Variants in MRC1 observed in about 807,000 individuals in gnomAD.
MRC1 encodes mannose receptor C-type 1.
Under a neutral mutation model 102.9 loss-of-function variants are expected in MRC1, and 62 were observed. The ratio of observed to expected loss-of-function variants is 0.60; its 90% confidence interval spans 0.49 to 0.74. The LOEUF is 0.74. Among genes scored for constraint, MRC1 ranks in the 30% least tolerant of loss-of-function variants. The probability of loss-of-function intolerance (pLI) is 0.00; values close to 1 mark genes in which losing one functional copy is unlikely to be tolerated. For synonymous variants in MRC1, 457 were observed against 298.4 expected (o/e 1.53, Z -5.48); for missense variants, 1,237 against 862.8 (o/e 1.43, Z -5.43).
chr10:17,843,598 A>C (rs1179087268), intron 5 of MRC1, among the ~76,000 whole-genome samples: 1 of 152,072 alleles, frequency 6.6e-6, no homozygotes, highest in African/African-American at 2.4e-5. Context: ...CAGGAGGTGG[A>C]GGTTGCAGTG....
At position 17,879,730 on chromosome 10, in the gene MRC1, T is replaced by C. The variant is rs1833487332; in HGVS notation, c.2628T>C (p.Asp876=). Residue 876 remains aspartate, a synonymous_variant, in exon 19 of 30, where the codon GAT becomes GAC. Transcript: ENST00000569591. ...GAATTTTCTTTTCCAGTTGGATGGA[T>C]GGAAGCAAAGTGGATTACGTGTCTT... ...ISLDKKFAWM[D]GSKVDYVSWA... is the part of the protein sequence containing the mutation. The C allele has an allele frequency of 1.3e-6, 1 of 780,740 alleles. No homozygotes were observed. The highest frequency in any genetic ancestry group is 1.7e-5 in the African/African-American group (1 of 59,124). The allele number at this position is 780,740 out of a possible 1,614,324, so 48.4% of individuals were successfully genotyped here.
At chr10:17,877,760 T>C in intron 17 of MRC1, 140 bp from the exon 18 acceptor site, 1 of 730,996 alleles carries the variant, frequency 1.4e-6, no homozygotes, top group Non-Finnish European at 2.5e-6. Context: ...GAACATAATA[T>C]AGAATGTACT....
At chr10:17,814,466 C>T (rs187576906) in intron 1 of MRC1, among the ~76,000 whole-genome samples, 9 of 152,170 alleles carry the variant, frequency 5.9e-5, no homozygotes, top group Admixed American at 4.6e-4. Flanking sequence ...TAGAAATTCA[C>T]GGTAGCTTTA....
chr10:17,847,144 A>T (rs1838837951), intron 6 of MRC1, among the ~76,000 whole-genome samples: 3 of 131,686 alleles, frequency 2.3e-5, no homozygotes, highest in Admixed American at 8.3e-5. Flanking sequence ...CTCCTCTAGG[A>T]GAAATAGTGT....
chr10:17,900,388 T>G (rs1833813223), intron 24 of MRC1, among the ~76,000 whole-genome samples: 1 of 152,092 alleles, frequency 6.6e-6, no homozygotes, highest in African/African-American at 2.4e-5. Flanking sequence ...CAGGTGTCCA[T>G]GAATTTAATG....
chr10:17,900,720 A>C, intron 24 of MRC1, 68 bp from the exon 25 acceptor site: 1 of 780,108 alleles, frequency 1.3e-6, no homozygotes, highest in Admixed American at 1.7e-5. Flanking sequence ...TGTATTCTTG[A>C]ATTGGTTCTT....
intron 29 of MRC1, 73 bp downstream of exon 29, chr10:17,909,420 A>G: frequency 1.2e-6 from 1 of 801,492 alleles, no homozygotes; most frequent in East Asian, 2.4e-5. Context: ...AGGCATAATC[A>G]TAATCCCTTC....
chr10:17,854,306 T>A (rs1476168317), intron 8 of MRC1, among the ~76,000 whole-genome samples: 1 of 152,234 alleles, frequency 6.6e-6, no homozygotes, highest in Non-Finnish European at 1.5e-5. Context: ...AGCCCATATT[T>A]ATTGTTCAAT....
At chr10:17,847,923 C>CTTT (rs1410844146) in intron 6 of MRC1, among the ~76,000 whole-genome samples, 100 of 47,880 alleles carry the variant, frequency 2.1e-3, no homozygotes, top group African/African-American at 8.8e-3. Flanking sequence ...TTTTCTTTTT[C>CTTT]TTCTTTTTTT....
At chr10:17,851,800 G>C (rs1252793948) in intron 7 of MRC1, among the ~76,000 whole-genome samples, 1 of 152,156 alleles carries the variant, frequency 6.6e-6, no homozygotes, top group Non-Finnish European at 1.5e-5. Flanking sequence ...CATTCTCCAC[G>C]GCACTGGAAA....
chr10:17,826,873 G>A (rs962095490), intron 2 of MRC1, among the ~76,000 whole-genome samples: 4 of 152,212 alleles, frequency 2.6e-5, no homozygotes, highest in Non-Finnish European at 5.9e-5. Flanking sequence ...ATAGGGATTA[G>A]AGAACAATGC....
chr10:17,849,687 G>T lies in MRC1; in HGVS notation c.1172G>T (p.Cys391Phe). ...KKIQRDALTT[C>F]RKEGGDLTSI... ...ATCCAGAGGGATGCTCTGACCACCTGCAGGAAGGAAGGCGGTGACCTCACA... is the reference window on the plus strand; with the variant it reads ...ATCCAGAGGGATGCTCTGACCACCTTCAGGAAGGAAGGCGGTGACCTCACA... The change falls in exon 7 of 30, where the codon TGC becomes TTC. Residue 391 changes from cysteine to phenylalanine, a missense_variant. Coordinates refer to ENST00000569591, the MANE Select transcript of MRC1 (RefSeq NM_002438.4). The T allele has an allele frequency of 1.3e-6, 1 of 780,966 alleles. No individual in the cohort carries two copies. The highest frequency in any genetic ancestry group is 1.3e-5 in the South Asian group (1 of 74,620). 48.4% of individuals were successfully genotyped at this position (780,966 alleles called of 1,614,324 possible).
chr10:17,817,545 G>A (rs370141972), intron 1 of MRC1, among the ~76,000 whole-genome samples: 19,242 of 152,174 alleles, frequency 0.13, 1,527 homozygotes, highest in East Asian at 0.21. Flanking sequence ...CATCTGGCGT[G>A]TGGTCATTGT....
chr10:17,867,065 C>A (rs1037332533), intron 12 of MRC1, among the ~76,000 whole-genome samples: 1 of 151,664 alleles, frequency 6.6e-6, no homozygotes, highest in Admixed American at 6.6e-5. Context: ...CTAGATCTGC[C>A]TCCCTCCATT....
At chr10:17,863,311 A>T (rs1333615409) in intron 10 of MRC1, among the ~76,000 whole-genome samples, 2 of 152,114 alleles carry the variant, frequency 1.3e-5, no homozygotes, top group African/African-American at 4.8e-5. Context: ...TCTCCGAATG[A>T]TTTTATATAC....
In MRC1 at chr10:17,856,125, G is replaced by A. The variant is rs901250677; in HGVS notation, c.1408-117G>A. On this transcript the variant is annotated intron_variant, in intron 8 of 29. Transcript: ENST00000569591. ...GCAGAGGTTGCCATGAGCCAAGATCGCGCCACTGCACTCCAGCCTGGGGGA... is the reference window on the plus strand; with the variant it reads ...GCAGAGGTTGCCATGAGCCAAGATCACGCCACTGCACTCCAGCCTGGGGGA... 65 of 703,336 alleles carry A rather than the reference G, an allele frequency of 9.2e-5. No individual in the cohort carries two copies. In the East Asian group the frequency reaches 1.1e-3, roughly 12 times the overall value. 43.6% of individuals were successfully genotyped at this position (703,336 alleles called of 1,614,324 possible).
At chr10:17,822,774 G>A (rs1388270293) in intron 1 of MRC1, among the ~76,000 whole-genome samples, 1 of 152,034 alleles carries the variant, frequency 6.6e-6, no homozygotes, top group Non-Finnish European at 1.5e-5. Flanking sequence ...GACAATCCTT[G>A]GGCATGTAAG....
At chr10:17,841,795 G>A (rs1248510267) in intron 5 of MRC1, among the ~76,000 whole-genome samples, 13 of 146,352 alleles carry the variant, frequency 8.9e-5, no homozygotes, top group Admixed American at 6.2e-4. Context: ...GACGTCTGCC[G>A]TGGGTGTGGG....
intron 7 of MRC1, among the ~76,000 whole-genome samples, chr10:17,850,524 A>G (rs1838898908): frequency 6.6e-6 from 1 of 152,196 alleles, no homozygotes; most frequent in Admixed American, 6.5e-5. Context: ...GCAGAAAAAA[A>G]TAGATGAATA....
Sources: allele counts gnomAD v4.1 joint callset (sites outside exome capture counted in the v4.1 genomes callset), GRCh38; gene constraint gnomAD v4.1.1; transcripts MANE v1.5; gene names NCBI Gene and HGNC (gene_info 2026-07-23, HGNC 2026-07-21).